The following GFPT1 variants were observed in gnomAD, a reference collection of about 807,000 sequenced individuals.
GFPT1 encodes glutamine--fructose-6-phosphate aminotransferase [isomerizing] 1.
GFPT1 carries 40 observed loss-of-function variants against 92.0 expected under a neutral mutation model. That is an observed-to-expected ratio of 0.43 (90% CI 0.34 to 0.57). The LOEUF (loss-of-function observed/expected upper bound fraction) is 0.57, where lower values mean the gene tolerates loss of function less well. GFPT1 is among the 20% of genes least tolerant of loss of function. The pLI, the probability that GFPT1 is intolerant of heterozygous loss-of-function variation, is 0.02. For missense variants in GFPT1, 448 were observed against 869.1 expected (o/e 0.52, Z 6.09); for synonymous variants, 269 against 280.6 (o/e 0.96, Z 0.41).
intron 8 of GFPT1, 69 bp from the exon 9 acceptor site, chr2:69,354,381 T>A: frequency 7.3e-7 from 1 of 1,375,666 alleles, no homozygotes; most frequent in Non-Finnish European, 1.0e-6. Flanking sequence ...TTTTCATGTC[T>A]AGACAGAACT....
chr2:69,348,795 CTAA>C (rs1383153803), intron 10 of GFPT1, among the ~76,000 whole-genome samples: 1 of 152,180 alleles, frequency 6.6e-6, no homozygotes, highest in Admixed American at 6.5e-5. Context: ...GGCAACAACT[CTAA>C]TAAAGATTTC....
chr2:69,387,211 A>G lies in GFPT1; in HGVS notation c.-140T>C, dbSNP rs1006342334. ...GACTCCCTCGGGGATGCGACGGCCA[A>G]GGCAACGACAGCCTTCTCCGCCTCC... On this transcript the variant is annotated 5_prime_UTR_variant, in exon 1 of 20. Transcript: ENST00000357308. 63 of 892,484 alleles carry G rather than the reference A, an allele frequency of 7.1e-5. No homozygotes were observed. Among genetic ancestry groups the G allele is most frequent in the Middle Eastern group, 6.7e-4 (2 of 2,994 alleles). The allele number at this position is 892,484 out of a possible 1,614,324, so 55.3% of individuals were successfully genotyped here. A position where few individuals can be genotyped will look rare whatever the true frequency, so the allele number is the denominator to read the frequency against.
intron 1 of GFPT1, among the ~76,000 whole-genome samples, chr2:69,377,503 A>AT (rs992612021): frequency 5.3e-5 from 8 of 151,046 alleles, no homozygotes; most frequent in African/African-American, 1.7e-4. Flanking sequence ...AAAAATAAAA[A>AT]AAAAAAAATA....
At chr2:69,327,769 C>T (rs1036759752) in intron 18 of GFPT1, among the ~76,000 whole-genome samples, 5 of 152,148 alleles carry the variant, frequency 3.3e-5, no homozygotes, top group Non-Finnish European at 5.9e-5. Flanking sequence ...GGTCTTGGTT[C>T]TGCCCAATAT....
intron 15 of GFPT1, among the ~76,000 whole-genome samples, chr2:69,333,387 C>T (rs1443143173): frequency 6.6e-6 from 1 of 152,112 alleles, no homozygotes; most frequent in Non-Finnish European, 1.5e-5. Context: ...AACTTTAATC[C>T]ATGTTTTTCC....
At chr2:69,384,253 T>C (rs1672074585) in intron 1 of GFPT1, among the ~76,000 whole-genome samples, 1 of 152,158 alleles carries the variant, frequency 6.6e-6, no homozygotes, top group Non-Finnish European at 1.5e-5. Flanking sequence ...CTTCCCAAAT[T>C]TACTGGACCA....
intron 9 of GFPT1, among the ~76,000 whole-genome samples, chr2:69,351,268 A>G (rs1030860979): frequency 2.6e-5 from 4 of 151,974 alleles, no homozygotes; most frequent in African/African-American, 9.7e-5. Flanking sequence ...AGACATTAAT[A>G]TTAACTTTTT....
chr2:69,361,834 G>T (rs1447851317), intron 4 of GFPT1, among the ~76,000 whole-genome samples: 1 of 152,094 alleles, frequency 6.6e-6, no homozygotes, highest in Admixed American at 6.6e-5. Context: ...AAATAAATTA[G>T]CTGGGTGTGG....
intron 1 of GFPT1, among the ~76,000 whole-genome samples, chr2:69,382,156 C>T (rs969879017): frequency 3.3e-5 from 5 of 152,170 alleles, no homozygotes; most frequent in Non-Finnish European, 5.9e-5. Context: ...GAACCCCACA[C>T]TGGGCCTTAC....
chr2:69,363,999 T>C lies in GFPT1; in HGVS notation c.224-329A>G, dbSNP rs904247000. Among the ~76,000 whole-genome samples the C allele has an allele frequency of 1.3e-5, 2 of 151,458 alleles. 1 individual carries two copies. Among genetic ancestry groups the C allele is most frequent in the African/African-American group, 4.9e-5 (2 of 41,168 alleles). On this transcript the variant is annotated intron_variant, in intron 3 of 19. Coordinates refer to ENST00000357308, the MANE Select transcript of GFPT1 (RefSeq NM_001244710.2). ...GCATGGTGGCACGCGCCTGTAGTCC[T>C]GGCTACTCCGGAGGCAGAGGCAGGA...
In GFPT1 at chr2:69,326,158, T is replaced by C. The variant is rs769533528; in HGVS notation, c.*31A>G. 3.5e-6 allele frequency: 5 copies of C among 1,448,266 alleles called. No homozygotes were observed. The African/African-American group carries it at 4.2e-5, about 12-fold the overall frequency. The allele number at this position is 1,448,266 out of a possible 1,614,324, so 89.7% of individuals were successfully genotyped here. On this transcript the variant is annotated 3_prime_UTR_variant, in exon 20 of 20. Coordinates refer to ENST00000357308, the MANE Select transcript of GFPT1 (RefSeq NM_001244710.2). Reference sequence around the variant, plus strand: ...AAAGGTGTCTTGTGTTGCTTAATCATACAGTTTCGTACATTTTGTATAGAT... The same window carrying C: ...AAAGGTGTCTTGTGTTGCTTAATCACACAGTTTCGTACATTTTGTATAGAT...
At chr2:69,342,026 T>TA (rs1670965798) in intron 13 of GFPT1, 126 bp downstream of exon 13, 1 of 608,120 alleles carries the variant, frequency 1.6e-6, no homozygotes, top group Non-Finnish European at 2.8e-6. Flanking sequence ...CTTCTTTTTT[T>TA]ATCACAAAAG....
intron 9 of GFPT1, among the ~76,000 whole-genome samples, chr2:69,351,161 C>A (rs190242635): frequency 6.6e-6 from 1 of 152,304 alleles, no homozygotes; most frequent in African/African-American, 2.4e-5. Flanking sequence ...TTTTCTTACT[C>A]TTCCTTTAAG....
chr2:69,358,153 TG>T (rs529923654), intron 6 of GFPT1, among the ~76,000 whole-genome samples, 175 bp downstream of exon 6: 1 of 151,528 alleles, frequency 6.6e-6, no homozygotes, highest in African/African-American at 2.4e-5. Flanking sequence ...AAATGGAGGG[TG>T]GGGGGGAATC....
In GFPT1 at chr2:69,329,429, GAAGT is replaced by G. The variant is rs1220998163; in HGVS notation, c.1598-9_1598-6del. The stretch of plus-strand genomic sequence containing the variant: ...TCAGTACTTCCTTAATCAAATCTAA[GAAGT>G]AATATTAGCAAAAAAGGACAATAAA... On this transcript the variant is annotated splice_region_variant and splice_polypyrimidine_tract_variant and intron_variant, in intron 16 of 19. Transcript: ENST00000357308. 2 of 1,598,506 alleles carry G rather than the reference GAAGT, an allele frequency of 1.3e-6. No homozygotes were observed. The highest frequency in any genetic ancestry group is 8.6e-7 in the Non-Finnish European group (1 of 1,166,408).
intron 15 of GFPT1, among the ~76,000 whole-genome samples, chr2:69,332,231 CTATT>C (rs1670680027): frequency 6.6e-6 from 1 of 151,672 alleles, no homozygotes; most frequent in African/African-American, 2.4e-5. Context: ...CTATTTCCCT[CTATT>C]TATCACTTTG....
intron 1 of GFPT1, among the ~76,000 whole-genome samples, chr2:69,377,702 G>A (rs992979395): frequency 1.3e-5 from 2 of 152,064 alleles, no homozygotes; most frequent in Non-Finnish European, 2.9e-5. Flanking sequence ...AACAGAGCTA[G>A]AAGAAGGAAG....
intron 7 of GFPT1, among the ~76,000 whole-genome samples, chr2:69,355,067 A>C (rs1313783052): frequency 1.3e-5 from 2 of 151,976 alleles, no homozygotes; most frequent in Non-Finnish European, 2.9e-5. Context: ...TTTTATAAAT[A>C]AACGGTTTTT....
At chr2:69,349,140 A>C (rs1322682061) in intron 10 of GFPT1, among the ~76,000 whole-genome samples, 1 of 152,238 alleles carries the variant, frequency 6.6e-6, no homozygotes, top group Admixed American at 6.5e-5. Flanking sequence ...CACAGCTGGA[A>C]TTCTACACTT....
Sources: gnomAD v4.1 joint callset for allele counts (sites outside exome capture counted in the v4.1 genomes callset) on GRCh38, gnomAD v4.1.1 for gene constraint, MANE v1.5 for transcripts, NCBI Gene and HGNC (gene_info 2026-07-23, HGNC 2026-07-21) for gene names.